Variants in NSMCE4A observed in about 807,000 individuals in gnomAD.
NSMCE4A encodes the protein NSE4A component of SMC5/6 complex, also known as non-structural maintenance of chromosomes element 4 homolog A.
NSMCE4A carries 40 observed loss-of-function variants against 47.9 expected under a neutral mutation model. That is an observed-to-expected ratio of 0.83 (90% confidence interval 0.65 to 1.09). The LOEUF is 1.09. NSMCE4A is among the 50% of genes least tolerant of loss of function. The pLI is 0.00. For synonymous variants in NSMCE4A, 166 were observed against 178.5 expected (o/e 0.93, Z 0.56); for missense variants, 500 against 507.0 (o/e 0.99, Z 0.13).
chr10:121,971,061 C>A lies in NSMCE4A; in HGVS notation c.379G>T (p.Ala127Ser). 6.2e-7 allele frequency: 1 copy of A among 1,610,206 alleles called. No homozygotes were observed. The highest frequency in any genetic ancestry group is 8.5e-7 in the Non-Finnish European group (1 of 1,178,688). The change falls in exon 3 of 11, where the codon GCA becomes TCA. Residue 127 changes from alanine to serine, a missense_variant. Ala to Ser is a moderately conservative substitution (Grantham distance 99, BLOSUM62 1). Transcript: ENST00000369023. ...TGGGCATCCAGGACTGCTTCTCTTGCTCGGGACACTATTCAAAAAAGAAAG... is the reference window on the plus strand; with the variant it reads ...TGGGCATCCAGGACTGCTTCTCTTGATCGGGACACTATTCAAAAAAGAAAG... ...ANTLFNEVSR[A>S]REAVLDAHFL...
intron 6 of NSMCE4A, chr10:121,961,761 T>A: frequency 2.6e-6 from 1 of 387,234 alleles, no homozygotes; most frequent in Non-Finnish European, 4.6e-6. Flanking sequence ...AATTACATAC[T>A]AAGATTTTTT....
At chr10:121,971,432 G>A (rs1452013519) in intron 2 of NSMCE4A, among the ~76,000 whole-genome samples, 2 of 152,072 alleles carry the variant, frequency 1.3e-5, no homozygotes, top group Admixed American at 6.6e-5. Context: ...GCGTGAACCC[G>A]GGAGGCAGAG....
In NSMCE4A at chr10:121,967,791, C is replaced by T. The variant is rs776739587; in HGVS notation, c.517G>A (p.Val173Ile). 3.7e-6 allele frequency: 6 copies of T among 1,609,156 alleles called. No individual in the cohort carries two copies. The Admixed American group carries it at 5.1e-5, about 14-fold the overall frequency. ...AGTTCTTCAGCTTCTAGCGGATTTA[C>T]ACCCATATGTGTGAGCTACAAAAAT... ...YVETLLTHMG[V>I]NPLEAEELIR... The change falls in exon 4 of 11, where the codon GTA (valine) becomes ATA (isoleucine). Residue 173 changes from valine (V) to isoleucine (I), a missense_variant. Physicochemically the swap from Val to Ile is conservative, Grantham distance 29 (BLOSUM62 3). Transcript: ENST00000369023.
chr10:121,964,299 C>T (rs988052018), intron 5 of NSMCE4A, among the ~76,000 whole-genome samples: 1 of 151,588 alleles, frequency 6.6e-6, no homozygotes, highest in African/African-American at 2.4e-5. Flanking sequence ...CCCACCACCA[C>T]ATCTGGCTAA....
At chr10:121,965,249 T>G in intron 5 of NSMCE4A, 37 bp downstream of exon 5, 1 of 1,431,470 alleles carries the variant, frequency 7.0e-7, no homozygotes, top group East Asian at 2.3e-5. Flanking sequence ...ATTTTAACTT[T>G]AATGTGTTTT....
At position 121,961,520 on chromosome 10, in the gene NSMCE4A, A is replaced by G. The variant is rs556176021; in HGVS notation, c.845-3T>C. ...AAAGAAGGACATTGGGGTATCAGCTATAGACAAAAAGAGAAAAAAAAATTG... is the reference window on the plus strand; with the variant it reads ...AAAGAAGGACATTGGGGTATCAGCTGTAGACAAAAAGAGAAAAAAAAATTG... On this transcript the variant is annotated splice_region_variant and splice_polypyrimidine_tract_variant and intron_variant, in intron 6 of 10. Transcript: ENST00000369023. The G allele has an allele frequency of 7.8e-6, 12 of 1,544,200 alleles. No individual in the cohort carries two copies. The East Asian group carries it at 9.7e-5, about 12-fold the overall frequency.
At chr10:121,973,901 T>C in intron 2 of NSMCE4A, 103 bp downstream of exon 2, 1 of 779,788 alleles carries the variant, frequency 1.3e-6, no homozygotes. Flanking sequence ...GGGAAAGCAC[T>C]ATTACAAATG....
intron 1 of NSMCE4A, 28 bp downstream of exon 1, chr10:121,974,846 C>T (rs1264617913): frequency 2.1e-6 from 3 of 1,435,616 alleles, no homozygotes; most frequent in African/African-American, 1.5e-5. Flanking sequence ...CCCGTCCGGG[C>T]CCGCGCCGCC....
intron 1 of NSMCE4A, chr10:121,974,575 C>G (rs1952780952): frequency 9.7e-7 from 1 of 1,030,714 alleles, no homozygotes; most frequent in African/African-American, 1.7e-5. Context: ...GCGGAGTCCG[C>G]GTCCTGCCTC....
chr10:121,974,592 C>T (rs1048656185), intron 1 of NSMCE4A: 3 of 1,044,338 alleles, frequency 2.9e-6, no homozygotes. Context: ...CCTCTCCCCA[C>T]TGGCTGGCTG....
intron 3 of NSMCE4A, among the ~76,000 whole-genome samples, 160 bp from the exon 4 acceptor site, chr10:121,967,966 C>T (rs1303898968): frequency 6.6e-6 from 1 of 152,228 alleles, no homozygotes; most frequent in Non-Finnish European, 1.5e-5. Context: ...GATAACTTTA[C>T]AGTTAAAGTC....
chr10:121,972,524 G>C (rs977648525), intron 2 of NSMCE4A, among the ~76,000 whole-genome samples: 4 of 152,056 alleles, frequency 2.6e-5, no homozygotes, highest in Admixed American at 6.6e-5. Context: ...GTTGTTTGCT[G>C]AGCAACTCCT....
chr10:121,966,298 T>C (rs1298167340), intron 4 of NSMCE4A: 2 of 152,006 alleles, frequency 1.3e-5, no homozygotes, highest in African/African-American at 4.8e-5. Context: ...TAAACAAACT[T>C]TACCGAATGG....
At chr10:121,959,676 T>C (rs1442616917) in intron 8 of NSMCE4A, 81 bp from the exon 9 acceptor site, 16 of 898,288 alleles carry the variant, frequency 1.8e-5, no homozygotes, top group Non-Finnish European at 2.9e-5. Flanking sequence ...TGATGAATAA[T>C]AGCAATGAAA....
intron 10 of NSMCE4A, among the ~76,000 whole-genome samples, chr10:121,958,173 A>T (rs1363821094): frequency 6.6e-6 from 1 of 152,200 alleles, no homozygotes; most frequent in East Asian, 1.9e-4. Flanking sequence ...GATTACAGTG[A>T]ACTGAGATCG....
At position 121,960,680 on chromosome 10, in the gene NSMCE4A, A is replaced by G. The variant is rs1952481731; in HGVS notation, c.940-274T>C. ...TCTTGTCTCTTTAACTGATTTATAC[A>G]TATTTTGGAATACTCCACATTTTAT... On this transcript the variant is annotated intron_variant, in intron 7 of 10. Coordinates refer to ENST00000369023, the MANE Select transcript of NSMCE4A (RefSeq NM_017615.3). The surrounding 1 kb of genome is among the most constrained non-coding windows in gnomAD (Gnocchi z 4.2). Among the ~76,000 whole-genome samples the G allele has an allele frequency of 6.6e-6, 1 of 152,216 alleles. No individual in the cohort carries two copies. The highest frequency in any genetic ancestry group is 1.5e-5 in the Non-Finnish European group (1 of 68,038).
chr10:121,965,496 C>T (rs1047621771), intron 4 of NSMCE4A, 111 bp from the exon 5 acceptor site: 2 of 723,064 alleles, frequency 2.8e-6, no homozygotes, highest in Non-Finnish European at 4.8e-6. Context: ...GACCAGACAT[C>T]AGTGATATAC....
At chr10:121,965,080 G>C (rs913657396) in intron 5 of NSMCE4A, among the ~76,000 whole-genome samples, 30 of 152,040 alleles carry the variant, frequency 2.0e-4, no homozygotes, top group African/African-American at 7.2e-4. Flanking sequence ...TCGGAGAACT[G>C]ATCAAAACTA....
intron 1 of NSMCE4A, chr10:121,974,411 A>T: frequency 9.6e-7 from 1 of 1,041,444 alleles, no homozygotes; most frequent in Non-Finnish European, 1.2e-6. Context: ...GGGCCACTCC[A>T]CAGTTGCGCG....
Sources: gnomAD v4.1 joint callset for allele counts (sites outside exome capture counted in the v4.1 genomes callset) on GRCh38, gnomAD v4.1.1 for gene constraint, Gnocchi (gnomAD v3.1) non-coding constraint, MANE v1.5 for transcripts, NCBI Gene and HGNC (gene_info 2026-07-23, HGNC 2026-07-21) for gene names.